WDR27: variants seen among roughly 807,000 people sequenced by gnomAD.
The protein encoded by WDR27 is WD repeat-containing protein 27.
Under a neutral mutation model 114.4 loss-of-function variants are expected in WDR27, and 100 were observed. The ratio of observed to expected loss-of-function variants is 0.87; its 90% CI spans 0.74 to 1.03. The LOEUF is 1.03. Ranked by LOEUF, WDR27 falls within the 50% of genes least tolerant of loss-of-function variation. WDR27 has a pLI of 0.00. For missense variants in WDR27, 1,129 were observed against 1,092.9 expected, an observed-to-expected ratio of 1.03 and a Z score of -0.47; for synonymous variants, 449 against 423.1, an observed-to-expected ratio of 1.06 and a Z score of -0.75.
chr6:169,670,642 C>T lies in WDR27; in HGVS notation c.383G>A (p.Cys128Tyr), dbSNP rs1322340018. Residue 128 changes from cysteine to tyrosine, a missense_variant, in exon 4 of 26, where the codon TGT (cysteine) becomes TAT (tyrosine). Physicochemically the swap from Cys to Tyr is radical, Grantham distance 194 (BLOSUM62 -2). Coordinates refer to ENST00000448612, the MANE Select transcript of WDR27 (RefSeq NM_182552.5). Reference protein sequence around the residue: ...VMGSLLGKVLCLQLSLDDHVV... With the variant: ...VMGSLLGKVLYLQLSLDDHVV... The stretch of plus-strand genomic sequence containing the variant: ...ATGATCATCCAGGCTCAACTGTAAA[C>T]ACAGCACCTTTCCCAAAAGCGAGCC... The T allele has an allele frequency of 1.2e-6, 2 of 1,613,888 alleles. No homozygotes were observed. Among genetic ancestry groups the T allele is most frequent in the African/African-American group, 1.3e-5 (1 of 74,902 alleles).
At chr6:169,693,445 C>T (rs1466999504) in intron 1 of WDR27, among the ~76,000 whole-genome samples, 2 of 152,088 alleles carry the variant, frequency 1.3e-5, no homozygotes, top group African/African-American at 4.8e-5. Flanking sequence ...GGTATTTAGG[C>T]AGGAACTAAC....
chr6:169,596,218 T>A (rs1408002354), intron 23 of WDR27, among the ~76,000 whole-genome samples: 1 of 152,046 alleles, frequency 6.6e-6, no homozygotes, highest in Non-Finnish European at 1.5e-5. Context: ...ATTGACTTTT[T>A]AAAAAAATGT....
chr6:169,603,636 C>A (rs1808504632), intron 22 of WDR27, among the ~76,000 whole-genome samples: 1 of 152,184 alleles, frequency 6.6e-6, no homozygotes. Flanking sequence ...TCATGTGTTT[C>A]TTGTCTAATG....
chr6:169,520,181 A>G (rs914615217), intron 25 of WDR27, among the ~76,000 whole-genome samples: 16 of 152,090 alleles, frequency 1.1e-4, no homozygotes, highest in Admixed American at 6.6e-5. Flanking sequence ...ACACTGTAGG[A>G]GGTTTATTCC....
chr6:169,659,578 G>A lies in WDR27; in HGVS notation c.1130-60C>T, dbSNP rs1825384793. On this transcript the variant is annotated intron_variant, in intron 10 of 25. Transcript: ENST00000448612. The surrounding 1 kb of genome is among the most constrained non-coding windows in gnomAD (Gnocchi z 4.3). ...GGGAGGGAGGTAGCACATACACACG[G>A]AGTCACTGCCCAGAGCCCACCACAC... 1.6e-5 allele frequency: 25 copies of A among 1,515,450 alleles called. No homozygotes were observed. In the South Asian group the frequency reaches 3.0e-4, roughly 18 times the overall value. 93.9% of individuals were successfully genotyped at this position (1,515,450 alleles called of 1,614,324 possible).
intron 10 of WDR27, among the ~76,000 whole-genome samples, chr6:169,660,051 C>T (rs9371162): frequency 0.083 from 12,499 of 151,356 alleles, 1,667 homozygotes; most frequent in East Asian, 0.6. Context: ...CCCGGGAGGC[C>T]GCCGAGGAGG....
the WDR27 span, among the ~76,000 whole-genome samples, chr6:169,436,900 AT>A: frequency 3.3e-5 from 5 of 152,128 alleles, no homozygotes; most frequent in Non-Finnish European, 5.9e-5. Flanking sequence ...TATAAAATAC[AT>A]ATTGGTCCCG....
chr6:169,601,178 A>C (rs55792563), intron 23 of WDR27, among the ~76,000 whole-genome samples: 2,064 of 152,298 alleles, frequency 0.014, 42 homozygotes, highest in African/African-American at 0.047. Context: ...AAAGAAAAGA[A>C]TTTTCAACCC....
At chr6:169,642,745 G>C (rs1311707515) in intron 17 of WDR27, among the ~76,000 whole-genome samples, 2 of 152,220 alleles carry the variant, frequency 1.3e-5, no homozygotes, top group East Asian at 1.9e-4. Context: ...TCTGCTCCCA[G>C]GTGTGGCCTT....
intron 25 of WDR27, among the ~76,000 whole-genome samples, chr6:169,564,324 C>T (rs9396964): frequency 0.58 from 87,763 of 152,172 alleles, 28,664 homozygotes; most frequent in Non-Finnish European, 0.72. Flanking sequence ...ATGGTGGCCA[C>T]CCACATTGAG....
chr6:169,432,822 CA>C, the WDR27 span, among the ~76,000 whole-genome samples: 1 of 152,104 alleles, frequency 6.6e-6, no homozygotes, highest in Non-Finnish European at 1.5e-5. Context: ...GGGTAACAGG[CA>C]GAGGTTGGAA....
intron 21 of WDR27, among the ~76,000 whole-genome samples, chr6:169,630,679 A>G (rs140836206): frequency 0.029 from 4,365 of 152,254 alleles, 154 homozygotes; most frequent in African/African-American, 0.085. Flanking sequence ...GCGGATCACA[A>G]GGTCAGGAGT....
intron 25 of WDR27, among the ~76,000 whole-genome samples, chr6:169,534,407 G>C (rs1335306452): frequency 6.6e-6 from 1 of 152,174 alleles, no homozygotes; most frequent in Non-Finnish European, 1.5e-5. Flanking sequence ...ATCTCACAGA[G>C]TGATGTATTC....
intron 25 of WDR27, among the ~76,000 whole-genome samples, chr6:169,531,652 T>C (rs1252863153): frequency 1.5e-5 from 1 of 65,020 alleles, no homozygotes; most frequent in Non-Finnish European, 3.1e-5. Context: ...CATTAAACAG[T>C]TTGTTTTTTT....
intron 4 of WDR27, among the ~76,000 whole-genome samples, 179 bp from the exon 5 acceptor site, chr6:169,668,364 T>C (rs1828478203): frequency 6.6e-6 from 1 of 151,976 alleles, no homozygotes; most frequent in African/African-American, 2.4e-5. Context: ...GAAGCTGGCG[T>C]CTCCTCAGGA....
intron 25 of WDR27, among the ~76,000 whole-genome samples, chr6:169,563,977 A>T (rs917326891): frequency 6.6e-6 from 1 of 152,222 alleles, no homozygotes. Flanking sequence ...AGGGGAGTTT[A>T]TTAGGAGAAT....
intron 1 of WDR27, among the ~76,000 whole-genome samples, chr6:169,692,286 G>A (rs1159182470): frequency 6.6e-6 from 1 of 152,240 alleles, no homozygotes. Context: ...AAGACAGCCA[G>A]AGGAATTAGG....
chr6:169,682,867 CA>C (rs1192699450), intron 2 of WDR27, among the ~76,000 whole-genome samples: 1 of 151,880 alleles, frequency 6.6e-6, no homozygotes, highest in Non-Finnish European at 1.5e-5. Flanking sequence ...AGAAACTTAA[CA>C]GAGATTAATT....
intron 25 of WDR27, among the ~76,000 whole-genome samples, chr6:169,519,960 C>T (rs77827315): frequency 0.028 from 4,235 of 152,112 alleles, 96 homozygotes; most frequent in East Asian, 0.082. Flanking sequence ...TTGAGGTGGA[C>T]GACCAGCTTC....
Sources: gnomAD v4.1 joint callset for allele counts (sites outside exome capture counted in the v4.1 genomes callset) on GRCh38, gnomAD v4.1.1 for gene constraint, Gnocchi (gnomAD v3.1) non-coding constraint, MANE v1.5 for transcripts, NCBI Gene and HGNC (gene_info 2026-07-23, HGNC 2026-07-21) for gene names.